Variants in CHM observed in about 807,000 individuals in gnomAD.
CHM encodes rab proteins geranylgeranyltransferase component A 1.
In CHM, 10 loss-of-function variants were observed where a neutral mutation model predicts 49.0. That is an observed-to-expected ratio of 0.20 (90% CI 0.13 to 0.35). CHM has a LOEUF of 0.35. Among genes scored for constraint, CHM ranks in the 10% least tolerant of loss-of-function variants. The pLI, the probability that CHM is intolerant of heterozygous loss-of-function variation, is 1.00. For missense variants in CHM, 455 were observed against 478.4 expected (o/e 0.95, Z 0.46); for synonymous variants, 184 against 167.5 (o/e 1.10, Z -0.76).
chrX:86,007,539 AC>A (rs1932888998), intron 2 of CHM, among the ~76,000 whole-genome samples: 1 of 112,295 alleles, frequency 8.9e-6, no homozygotes, highest in Admixed American at 9.4e-5. Context: ...TCCAGAATCT[AC>A]AAAGAACTCA....
intron 8 of CHM, among the ~76,000 whole-genome samples, chrX:85,935,115 T>C (rs1928704333): frequency 9.0e-6 from 1 of 111,342 alleles, no homozygotes; most frequent in African/African-American, 3.3e-5. Flanking sequence ...TGGTGAGAGC[T>C]TCAGGAAGTT....
intron 8 of CHM, among the ~76,000 whole-genome samples, chrX:85,933,886 T>C (rs1449953095): frequency 2.7e-5 from 3 of 112,333 alleles, no homozygotes; most frequent in Non-Finnish European, 5.6e-5. Context: ...GAAGGATGCA[T>C]ATTATAAAAT....
chrX:85,923,775 G>T (rs957362321), intron 8 of CHM, among the ~76,000 whole-genome samples: 1 of 111,134 alleles, frequency 9.0e-6, no homozygotes, highest in African/African-American at 3.3e-5. Context: ...TGATATGGGG[G>T]TTGGAACATT....
chrX:85,921,718 G>GT (rs1274477735), intron 8 of CHM, among the ~76,000 whole-genome samples: 2 of 111,297 alleles, frequency 1.8e-5, no homozygotes, highest in African/African-American at 6.5e-5. Context: ...ACGAGACACT[G>GT]TAAGACTTCA....
chrX:86,005,218 G>T (rs772246981), intron 2 of CHM, among the ~76,000 whole-genome samples: 1 of 112,050 alleles, frequency 8.9e-6, no homozygotes, highest in South Asian at 3.7e-4. Flanking sequence ...AAACCAATGA[G>T]AACAAAGACA....
At chrX:85,929,656 G>A (rs58204288) in intron 8 of CHM, among the ~76,000 whole-genome samples, 5 of 111,578 alleles carry the variant, frequency 4.5e-5, no homozygotes, top group African/African-American at 6.5e-5. Flanking sequence ...AAAACAGCCC[G>A]AATTTATAGT....
intron 2 of CHM, among the ~76,000 whole-genome samples, chrX:86,011,516 G>A (rs1933072903): frequency 9.0e-6 from 1 of 111,631 alleles, no homozygotes; most frequent in Non-Finnish European, 1.9e-5. Context: ...AGTAAATATA[G>A]TGCTCTAATT....
rs778864554 is a variant in CHM at position 85,956,368 on chromosome X, C to G, written c.951G>C (p.Glu317Asp). ...TCTTTAAATATTCATAAAATGTGAT[C>G]TCTTCATATCCTATGAAAAGATGAA... ...KYPDEYKGYE[E>D]ITFYEYLKTQ... Residue 317 changes from glutamate to aspartate, a missense_variant, in exon 8 of 15, where the codon GAG becomes GAC. Coordinates refer to ENST00000357749, the MANE Select transcript of CHM (RefSeq NM_000390.4). 138 of 1,206,151 alleles carry G rather than the reference C, an allele frequency of 1.1e-4. No homozygotes were observed. Among genetic ancestry groups the G allele is most frequent in the Non-Finnish European group, 1.5e-4 (133 of 892,868 alleles).
chrX:86,015,639 A>G (rs1383941472), intron 2 of CHM, among the ~76,000 whole-genome samples: 1 of 112,096 alleles, frequency 8.9e-6, no homozygotes, highest in Non-Finnish European at 1.9e-5. Context: ...AGTGATATGG[A>G]CAATAAGGTC....
At chrX:85,913,248 G>A (rs1263731078) in intron 8 of CHM, among the ~76,000 whole-genome samples, 7 of 95,925 alleles carry the variant, frequency 7.3e-5, no homozygotes, top group Non-Finnish European at 1.2e-4. Context: ...CCTGGAAGGC[G>A]GAGGTTGCAG....
At chrX:85,931,004 T>G (rs1391126479) in intron 8 of CHM, among the ~76,000 whole-genome samples, 1 of 111,684 alleles carries the variant, frequency 9.0e-6, no homozygotes, top group Non-Finnish European at 1.9e-5. Flanking sequence ...CTTTTTAGTT[T>G]TCAAGTATTC....
At chrX:86,024,878 T>C (rs1933740746) in intron 2 of CHM, among the ~76,000 whole-genome samples, 1 of 111,499 alleles carries the variant, frequency 9.0e-6, no homozygotes, top group South Asian at 3.8e-4. Flanking sequence ...GGGAGCAGGA[T>C]GCTGTTTTTT....
chrX:85,891,118 C>T (rs1356969763), intron 12 of CHM, among the ~76,000 whole-genome samples: 1 of 112,054 alleles, frequency 8.9e-6, no homozygotes, highest in Non-Finnish European at 1.9e-5. Flanking sequence ...AATTTCTAAA[C>T]AGCAAAGCAT....
chrX:85,888,580 A>G (rs767837227), intron 12 of CHM, among the ~76,000 whole-genome samples: 2 of 111,761 alleles, frequency 1.8e-5, no homozygotes, highest in South Asian at 3.8e-4. Context: ...AAGAAAGCAG[A>G]CTGGCTAGAG....
chrX:85,931,786 T>C (rs1179731819), intron 8 of CHM, among the ~76,000 whole-genome samples: 1 of 111,891 alleles, frequency 8.9e-6, no homozygotes, highest in Non-Finnish European at 1.9e-5. Flanking sequence ...GAGTCACATG[T>C]GAAAACGCAT....
At chrX:85,920,422 G>A (rs1249347302) in intron 8 of CHM, among the ~76,000 whole-genome samples, 2 of 111,804 alleles carry the variant, frequency 1.8e-5, no homozygotes, top group African/African-American at 6.5e-5. Context: ...TTGTAAGTGG[G>A]TAAGAAGCAC....
Position 85,981,206 on chromosome X carries a change from C to CTATTTCTATATATATATA in CHM, c.189+530_189+531insTATATATATATAGAAATA, listed in dbSNP as rs1555958595. Among the ~76,000 whole-genome samples, 10 of 54,364 alleles carry CTATTTCTATATATATATA rather than the reference C, an allele frequency of 1.8e-4. 1 individual carries two copies. Among genetic ancestry groups the CTATTTCTATATATATATA allele is most frequent in the Non-Finnish European group, 3.7e-4 (10 of 26,732 alleles). The allele number at this position is 54,364 out of a possible 115,157, so 47.2% of individuals were successfully genotyped here. On this transcript the variant is annotated intron_variant, in intron 3 of 14. Transcript: ENST00000357749. ...TACTCTTCAACCAACATTTCTATTT[C>CTATTTCTATATATATATA]TATATATATATATAGACACACATAT...
intron 1 of CHM, 147 bp downstream of exon 1, chrX:86,047,337 C>A: frequency 3.6e-6 from 2 of 548,878 alleles, no homozygotes; most frequent in Non-Finnish European, 6.4e-6. Context: ...CCAACTCCCG[C>A]GCTGACTCCG....
chrX:86,027,446 T>A, intron 2 of CHM, 45 bp downstream of exon 2: 1 of 1,033,006 alleles, frequency 9.7e-7, no homozygotes, highest in Non-Finnish European at 1.4e-6. Flanking sequence ...TAATCCTGTA[T>A]AGAGATATTT....
Sources: allele counts gnomAD v4.1 joint callset (sites outside exome capture counted in the v4.1 genomes callset), GRCh38; gene constraint gnomAD v4.1.1; transcripts MANE v1.5; gene names NCBI Gene and HGNC (gene_info 2026-07-23, HGNC 2026-07-21).